The following EMB variants were observed in gnomAD, a reference collection of about 807,000 sequenced individuals.
EMB encodes the protein embigin homolog.
A neutral mutation model predicts 41.4 loss-of-function variants in EMB; 31 were observed. The ratio of observed to expected loss-of-function variants is 0.75; its 90% CI spans 0.56 to 1.01. The LOEUF (loss-of-function observed/expected upper bound fraction) is 1.01. Among genes scored for constraint, EMB ranks in the 50% least tolerant of loss-of-function variants. The pLI is 0.00. For synonymous variants in EMB, 137 were observed against 140.4 expected (o/e 0.98, Z 0.17); for missense variants, 379 against 388.3 (o/e 0.98, Z 0.20).
intron 2 of EMB, among the ~76,000 whole-genome samples, chr5:50,425,198 A>T (rs1745590050): frequency 6.6e-6 from 1 of 152,168 alleles, no homozygotes; most frequent in African/African-American, 2.4e-5. Flanking sequence ...CGAGATTTAG[A>T]CAATGTGGTT....
intron 2 of EMB, among the ~76,000 whole-genome samples, chr5:50,412,227 ACACACACACACAC>A (rs1450862345): frequency 1.6e-5 from 2 of 126,016 alleles, no homozygotes; most frequent in Middle Eastern, 3.8e-3. Flanking sequence ...TGAAAACAAT[ACACACACACACAC>A]CACACACACA....
chr5:50,421,181 T>C (rs1178512970), intron 2 of EMB, among the ~76,000 whole-genome samples: 1 of 151,984 alleles, frequency 6.6e-6, no homozygotes, highest in African/African-American at 2.4e-5. Flanking sequence ...ATTCCAAGAG[T>C]ATTTTTTACA....
At position 50,410,930 on chromosome 5, in the gene EMB, T is replaced by C; in HGVS notation, c.419A>G (p.Tyr140Cys). ...CTTTTCCTCTCGAAAGAAACAAGAA[T>C]AACTTCCCATTTGTTTGCTATTAAT... is the stretch of plus-strand genomic sequence containing the variant. The part of the protein sequence containing the change: ...TIINSKQMGS[Y>C]SCFFREEKEQ... The change falls in exon 4 of 9, where the codon TAT becomes TGT. Residue 140 changes from tyrosine to cysteine, a missense_variant. Tyr to Cys is a radical substitution (Grantham distance 194). Coordinates refer to ENST00000303221, the MANE Select transcript of EMB (RefSeq NM_198449.3). The C allele has an allele frequency of 1.2e-6, 2 of 1,606,814 alleles. No individual in the cohort carries two copies. The highest frequency in any genetic ancestry group is 4.5e-5 in the East Asian group (2 of 44,464).
intron 7 of EMB, among the ~76,000 whole-genome samples, chr5:50,400,189 C>T (rs957302327): frequency 2.6e-5 from 4 of 151,944 alleles, no homozygotes; most frequent in Non-Finnish European, 4.4e-5. Context: ...GGCGTAAAGA[C>T]CATAACTTAT....
At position 50,411,398 on chromosome 5, in the gene EMB, G is replaced by A. The variant is rs1192242830; in HGVS notation, c.197-15C>T. The stretch of plus-strand genomic sequence containing the variant: ...ACTAGAATGTTCTATTAGCACAAAA[G>A]AGGACAAAATGTGAAAGTTATATTC... On this transcript the variant is annotated splice_polypyrimidine_tract_variant and intron_variant, in intron 2 of 8. Transcript: ENST00000303221. 6.5e-7 allele frequency: 1 copy of A among 1,541,586 alleles called. No homozygotes were observed. The highest frequency in any genetic ancestry group is 8.8e-7 in the Non-Finnish European group (1 of 1,137,994).
chr5:50,439,121 G>A (rs573843616), intron 1 of EMB, among the ~76,000 whole-genome samples: 12 of 151,618 alleles, frequency 7.9e-5, no homozygotes, highest in East Asian at 1.9e-4. Flanking sequence ...AGAGTTTTGC[G>A]GGAAAAGATC....
intron 7 of EMB, among the ~76,000 whole-genome samples, chr5:50,401,077 T>C (rs1745154534): frequency 6.6e-6 from 1 of 152,044 alleles, no homozygotes; most frequent in South Asian, 2.1e-4. Flanking sequence ...GATTAAAAGT[T>C]CAAATCAACA....
intron 2 of EMB, among the ~76,000 whole-genome samples, chr5:50,415,657 T>A (rs1195796493): frequency 6.6e-6 from 1 of 152,188 alleles, no homozygotes; most frequent in East Asian, 1.9e-4. Context: ...AGAGGCTATT[T>A]TGTCTAAGAT....
At chr5:50,427,060 C>T (rs1745623336) in intron 2 of EMB, among the ~76,000 whole-genome samples, 1 of 152,204 alleles carries the variant, frequency 6.6e-6, no homozygotes, top group Non-Finnish European at 1.5e-5. Flanking sequence ...ACCACCATCA[C>T]TCACCAGTCA....
intron 4 of EMB, among the ~76,000 whole-genome samples, chr5:50,407,502 A>C (rs1288978454): frequency 1.3e-5 from 2 of 151,980 alleles, no homozygotes; most frequent in East Asian, 3.9e-4. Flanking sequence ...TGAAACCAAA[A>C]TTCTGTTTTC....
intron 1 of EMB, among the ~76,000 whole-genome samples, chr5:50,436,444 C>CT (rs1463935792): frequency 6.6e-6 from 1 of 152,206 alleles, no homozygotes; most frequent in Non-Finnish European, 1.5e-5. Flanking sequence ...TACTGCTAAA[C>CT]TGTCATTGCT....
At chr5:50,429,971 TCTCTCTCTCTCTCTC>T (rs1745688244) in intron 1 of EMB, among the ~76,000 whole-genome samples, 233 of 134,046 alleles carry the variant, frequency 1.7e-3, no homozygotes, top group African/African-American at 5.7e-3. Flanking sequence ...ACTCTCTTTC[TCTCTCTCTCTCTCTC>T]TCTCTCTCTC....
intron 1 of EMB, among the ~76,000 whole-genome samples, chr5:50,432,805 G>A (rs1458563944): frequency 3.3e-5 from 5 of 149,932 alleles, no homozygotes; most frequent in Admixed American, 1.3e-4. Flanking sequence ...AGGGCCAGGC[G>A]CGGTGGCTCA....
At position 50,414,717 on chromosome 5, in the gene EMB, T is replaced by G. The variant is rs1166170785; in HGVS notation, c.197-3334A>C. ...AAATTGCAAAATTGCTGAATTGAAT[T>G]TAATGCTCAAAAAGAAAAATAATAT... On this transcript the variant is annotated intron_variant, in intron 2 of 8. Coordinates refer to ENST00000303221, the MANE Select transcript of EMB (RefSeq NM_198449.3). Among the ~76,000 whole-genome samples, 3 of 152,090 alleles carry G rather than the reference T, an allele frequency of 2.0e-5. 1 individual carries two copies. Among genetic ancestry groups the G allele is most frequent in the South Asian group, 4.1e-4 (2 of 4,820 alleles).
chr5:50,422,283 G>A (rs1462778844), intron 2 of EMB, among the ~76,000 whole-genome samples: 1 of 152,218 alleles, frequency 6.6e-6, no homozygotes, highest in East Asian at 1.9e-4. Flanking sequence ...ATGGATTGGA[G>A]TAAAAGAGAA....
At position 50,417,335 on chromosome 5, in the gene EMB, T is replaced by C. The variant is rs548914067; in HGVS notation, c.197-5952A>G. 8.5e-5 allele frequency among the ~76,000 whole-genome samples: 13 copies of C among 152,348 alleles called. No individual in the cohort carries two copies. The East Asian group carries it at 1.3e-3, about 16-fold the overall frequency. Reference sequence around the variant, plus strand: ...GCGTCTTAAACATATGGAGTTAACTTATGAATAAGAATAAAATTCTCAAAG... The same window carrying C: ...GCGTCTTAAACATATGGAGTTAACTCATGAATAAGAATAAAATTCTCAAAG... On this transcript the variant is annotated intron_variant, in intron 2 of 8. Transcript: ENST00000303221.
chr5:50,420,517 A>G (rs1745501845), intron 2 of EMB, among the ~76,000 whole-genome samples: 1 of 152,108 alleles, frequency 6.6e-6, no homozygotes, highest in Non-Finnish European at 1.5e-5. Context: ...GGCTCCTCTA[A>G]CCTTACAACA....
At chr5:50,433,863 T>G (rs1745762800) in intron 1 of EMB, among the ~76,000 whole-genome samples, 1 of 152,214 alleles carries the variant, frequency 6.6e-6, no homozygotes, top group African/African-American at 2.4e-5. Flanking sequence ...GAATCCTTCC[T>G]TGCCTCTGCC....
chr5:50,397,579 T>C lies in EMB; in HGVS notation c.*1694A>G, dbSNP rs1745090237. The C allele has an allele frequency of 6.6e-6, 1 of 152,174 alleles. No homozygotes were observed. The highest frequency in any genetic ancestry group is 2.4e-5 in the African/African-American group (1 of 41,462). The allele number at this position is 152,174 out of a possible 1,614,324, so 9.4% of individuals were successfully genotyped here. On this transcript the variant is annotated 3_prime_UTR_variant, in exon 9 of 9. Coordinates refer to ENST00000303221, the MANE Select transcript of EMB (RefSeq NM_198449.3). ...CAAATACACTGCTTTGAATTGTATT[T>C]AGTCAAACAGCAGATTTGACTAATA...
Sources: gnomAD v4.1 joint callset for allele counts (sites outside exome capture counted in the v4.1 genomes callset) on GRCh38, gnomAD v4.1.1 for gene constraint, MANE v1.5 for transcripts, NCBI Gene and HGNC (gene_info 2026-07-23, HGNC 2026-07-21) for gene names.